IKBKB: variants seen among roughly 807,000 people sequenced by gnomAD.
The protein encoded by IKBKB is inhibitor of nuclear factor kappa B kinase subunit beta.
In IKBKB, 42 loss-of-function variants were observed where a neutral mutation model predicts 113.6. That is an observed-to-expected ratio of 0.37 (90% confidence interval 0.29 to 0.48). The LOEUF (loss-of-function observed/expected upper bound fraction) is 0.48, where lower values mean the gene tolerates loss of function less well. IKBKB is among the 20% of genes least tolerant of loss of function. The pLI is 0.99. For synonymous variants in IKBKB, 296 were observed against 361.3 expected, an observed-to-expected ratio of 0.82 and a Z score of 2.05; for missense variants, 673 against 939.7, an observed-to-expected ratio of 0.72 and a Z score of 3.71.
rs774551967 is a variant in IKBKB, at chr8:42,318,688, G to GC, written c.1364+14dup. On this transcript the variant is annotated intron_variant, in intron 13 of 21. Coordinates refer to ENST00000520810, the MANE Select transcript of IKBKB (RefSeq NM_001556.3). ...AGCGAGCCGCCATGTAGCGTGCCAG[G>GC]CTTTTTTTTTAAACTTAATTTATTT... 6.3e-7 allele frequency: 1 copy of GC among 1,580,830 alleles called. No homozygotes were observed. The highest frequency in any genetic ancestry group is 8.6e-7 in the Non-Finnish European group (1 of 1,164,876).
chr8:42,296,903 G>A (rs1051875258), intron 5 of IKBKB, among the ~76,000 whole-genome samples: 1 of 152,212 alleles, frequency 6.6e-6, no homozygotes, highest in Non-Finnish European at 1.5e-5. Flanking sequence ...AAAGCTCCTA[G>A]CACAATGCTC....
chr8:42,302,490 G>T (rs1815423231), intron 5 of IKBKB, among the ~76,000 whole-genome samples: 1 of 152,142 alleles, frequency 6.6e-6, no homozygotes, highest in African/African-American at 2.4e-5. Context: ...TGGCACCACA[G>T]ATAGAGCATC....
Position 42,272,120 on chromosome 8 carries a change from T to G in IKBKB, c.20T>G (p.Leu7Arg). 6.2e-7 allele frequency: 1 copy of G among 1,614,162 alleles called. No homozygotes were observed. Among genetic ancestry groups the G allele is most frequent in the South Asian group, 1.1e-5 (1 of 91,086 alleles). The change falls in exon 2 of 22, where the codon CTG (leucine) becomes CGG (arginine). Residue 7 changes from leucine (L) to arginine (R), a missense_variant. Physicochemically the swap from Leu to Arg is moderately radical, Grantham distance 102. Coordinates refer to ENST00000520810, the MANE Select transcript of IKBKB (RefSeq NM_001556.3). Reference protein sequence around the residue: MSWSPSLTTQTCGAWEM... With the variant: MSWSPSRTTQTCGAWEM... The stretch of plus-strand genomic sequence containing the variant: ...ATCAGTATGAGCTGGTCACCTTCCC[T>G]GACAACGCAGACATGTGGGGCCTGG...
chr8:42,326,251 ATACATG>A (rs1820715104), intron 20 of IKBKB, 154 bp downstream of exon 20: 1 of 888,662 alleles, frequency 1.1e-6, no homozygotes. Context: ...GACAAAAGTG[ATACATG>A]TTTGGCTCTC....
chr8:42,293,874 C>T (rs984076637), intron 5 of IKBKB, among the ~76,000 whole-genome samples: 3 of 152,160 alleles, frequency 2.0e-5, no homozygotes, highest in Non-Finnish European at 4.4e-5. Flanking sequence ...TGAATTTTTC[C>T]GCTCCCACGT....
chr8:42,292,682 G>A (rs1006422745), intron 4 of IKBKB, among the ~76,000 whole-genome samples: 3 of 152,114 alleles, frequency 2.0e-5, no homozygotes, highest in African/African-American at 7.2e-5. Context: ...TCCTCTCTCC[G>A]CCCTCCTCGG....
chr8:42,321,252 G>A (rs1431474105), intron 16 of IKBKB: 6 of 163,806 alleles, frequency 3.7e-5, no homozygotes, highest in South Asian at 1.8e-4. Context: ...GAAACTATTC[G>A]TTTGAGTCTT....
intron 20 of IKBKB, among the ~76,000 whole-genome samples, chr8:42,327,330 C>CTTTTTTTT (rs397767670): frequency 1.9e-5 from 2 of 105,430 alleles, no homozygotes; most frequent in Non-Finnish European, 1.8e-5. Flanking sequence ...CTCTCTCTCT[C>CTTTTTTTT]TTTTTTTTTT....
intron 5 of IKBKB, among the ~76,000 whole-genome samples, chr8:42,299,273 C>T (rs753513603): frequency 2.0e-5 from 3 of 152,172 alleles, no homozygotes; most frequent in Non-Finnish European, 4.4e-5. Flanking sequence ...GGCTGCAGAC[C>T]GCTGCTTCTG....
Position 42,314,312 on chromosome 8 carries a change from A to C in IKBKB, c.693-10A>C, listed in dbSNP as rs1199664487. 6.3e-7 allele frequency: 1 copy of C among 1,596,314 alleles called. No individual in the cohort carries two copies. The highest frequency in any genetic ancestry group is 1.1e-5 in the South Asian group (1 of 90,706). On this transcript the variant is annotated splice_polypyrimidine_tract_variant and intron_variant, in intron 8 of 21. Transcript: ENST00000520810. ...CGTGTGACTGCACCTAACAAGATTCATATTTGCAGGCATTCAAAAGTGCGG... is the reference window on the plus strand; with the variant it reads ...CGTGTGACTGCACCTAACAAGATTCCTATTTGCAGGCATTCAAAAGTGCGG...
At chr8:42,288,504 A>T in intron 2 of IKBKB, 130 bp from the exon 3 acceptor site, 1 of 623,618 alleles carries the variant, frequency 1.6e-6, no homozygotes, top group Non-Finnish European at 2.8e-6. Flanking sequence ...CAGGGTGTAC[A>T]TGTGACCTTG....
At chr8:42,329,240 G>A (rs543463506) in intron 21 of IKBKB, 26 bp downstream of exon 21, 17 of 1,540,522 alleles carry the variant, frequency 1.1e-5, no homozygotes, top group Admixed American at 7.0e-5. Context: ...AGACTCCTGC[G>A]ATTCCATGTC....
Position 42,314,386 on chromosome 8 carries a change from G to C in IKBKB, c.757G>C (p.Val253Leu), listed in dbSNP as rs140074007. 4 of 1,613,820 alleles carry C rather than the reference G, an allele frequency of 2.5e-6. No individual in the cohort carries two copies. Among genetic ancestry groups the C allele is most frequent in the Non-Finnish European group, 3.4e-6 (4 of 1,179,694 alleles). The change falls in exon 9 of 22, where the codon GTG becomes CTG. Residue 253 changes from valine to leucine, a missense_variant. Physicochemically the swap from Val to Leu is conservative, Grantham distance 32. Around this residue, in one of 2 missense-constraint regions of IKBKB, gnomAD observed 506 missense variants for 638.7 expected, o/e 0.79. Transcript: ENST00000520810. ...IVVSEDLNGT[V>L]KFSSSLPYPN... The stretch of plus-strand genomic sequence containing the variant: ...TGTTAGCGAAGACTTGAATGGAACG[G>C]TGAAGTTTTCAAGCTCTTTACCCTA...
intron 2 of IKBKB, among the ~76,000 whole-genome samples, chr8:42,275,722 A>G (rs1808940251): frequency 6.6e-6 from 1 of 152,294 alleles, no homozygotes; most frequent in South Asian, 2.1e-4. Flanking sequence ...TATTTTGGCT[A>G]TTGTGAATAG....
At chr8:42,313,782 C>T (rs772113759) in intron 8 of IKBKB, among the ~76,000 whole-genome samples, 3 of 152,218 alleles carry the variant, frequency 2.0e-5, no homozygotes, top group African/African-American at 2.4e-5. Flanking sequence ...CTAAAGGTTG[C>T]TCTTCAAAAA....
rs747327806 is a variant in IKBKB at position 42,305,228 on chromosome 8, C to T, written c.430C>T (p.Arg144Trp). The change falls in exon 6 of 22, where the codon CGG becomes TGG. Residue 144 changes from arginine (R) to tryptophan (W), a missense_variant. Around this residue, in one of 2 missense-constraint regions of IKBKB, gnomAD observed 167 missense variants for 301.0 expected, o/e 0.55. Transcript: ENST00000520810. ...RYLHENRIIH[R>W]DLKPENIVLQ... ...CCTTCATGAAAACAGAATCATCCAT[C>T]GGGATCTAAAGCCAGAAAACATCGT... The T allele has an allele frequency of 1.2e-6, 2 of 1,613,896 alleles. No homozygotes were observed. The highest frequency in any genetic ancestry group is 1.7e-6 in the Non-Finnish European group (2 of 1,179,826).
chr8:42,293,017 A>G (rs1279385809), intron 4 of IKBKB, among the ~76,000 whole-genome samples: 5 of 152,206 alleles, frequency 3.3e-5, no homozygotes, highest in African/African-American at 7.2e-5. Flanking sequence ...TACTGTTACC[A>G]TCACCCACAT....
chr8:42,278,975 CAA>C (rs1809763060), intron 2 of IKBKB, among the ~76,000 whole-genome samples: 1 of 151,140 alleles, frequency 6.6e-6, no homozygotes. Flanking sequence ...GCCTGGGCAA[CAA>C]GAGCGAAACT....
chr8:42,280,988 C>T (rs1166162194), intron 2 of IKBKB, among the ~76,000 whole-genome samples: 1 of 152,068 alleles, frequency 6.6e-6, no homozygotes, highest in East Asian at 1.9e-4. Context: ...GGGTCCCTGC[C>T]CTTCGTGTGC....
Sources: allele counts gnomAD v4.1 joint callset (sites outside exome capture counted in the v4.1 genomes callset), GRCh38; gene constraint gnomAD v4.1.1; regional missense constraint gnomAD v4.1.1; transcripts MANE v1.5; gene names NCBI Gene and HGNC (gene_info 2026-07-23, HGNC 2026-07-21).